Variants in RPS6KC1 observed in about 807,000 individuals in gnomAD.
RPS6KC1 encodes the protein inactive ribosomal protein S6 kinase delta-1.
A neutral mutation model predicts 103.8 loss-of-function variants in RPS6KC1; 54 were observed. The ratio of observed to expected loss-of-function variants is 0.52; its 90% confidence interval spans 0.42 to 0.65. The LOEUF is 0.65. Ranked by LOEUF, RPS6KC1 falls within the 30% of genes least tolerant of loss-of-function variation. The pLI, the probability that RPS6KC1 is intolerant of heterozygous loss-of-function variation, is 0.00. For synonymous variants in RPS6KC1, 439 were observed against 438.7 expected, an observed-to-expected ratio of 1.00 and a Z score of -0.01; for missense variants, 1,151 against 1,253.8, an observed-to-expected ratio of 0.92 and a Z score of 1.24.
At chr1:213,405,382 C>T in the RPS6KC1 span, among the ~76,000 whole-genome samples, 1 of 152,302 alleles carries the variant, frequency 6.6e-6, no homozygotes, top group East Asian at 1.9e-4. Flanking sequence ...GGGGAATTGG[C>T]ACTTGCTTAT....
the RPS6KC1 span, among the ~76,000 whole-genome samples, chr1:213,649,273 A>AAG: frequency 3.3e-5 from 5 of 151,102 alleles, no homozygotes; most frequent in Non-Finnish European, 7.4e-5. Context: ...AAAAAAAAAA[A>AAG]AGTCTCCAAC....
In RPS6KC1 at chr1:213,176,444, C is replaced by A. The variant is rs1478446850; in HGVS notation, c.996C>A (p.Ser332Arg). Residue 332 changes from serine to arginine, a missense_variant, in exon 8 of 15, where the codon AGC becomes AGA. This residue lies in a region of RPS6KC1 where 959 missense variants were observed against 1,006.3 expected (regional missense o/e 0.95). Transcript: ENST00000366960. ...CAAGGCCCCTTTGGAACCTAAGGAG[C>A]CCTGCCGAGGAGCTGAAGGCCTTCA... is the stretch of plus-strand genomic sequence containing the variant. ...LSSRPLWNLRSPAEELKAFRV... is the reference protein window; with the variant it reads ...LSSRPLWNLRRPAEELKAFRV... The A allele has an allele frequency of 3.1e-6, 5 of 1,609,080 alleles. No individual in the cohort carries two copies. Among genetic ancestry groups the A allele is most frequent in the Non-Finnish European group, 3.4e-6 (4 of 1,176,320 alleles).
rs1216601734 is a variant in RPS6KC1 at position 213,093,211 on chromosome 1, T to A, written c.263-11243T>A. 2.7e-5 allele frequency among the ~76,000 whole-genome samples: 4 copies of A among 149,344 alleles called. No homozygotes were observed. The South Asian group carries it at 8.4e-4, about 31-fold the overall frequency. On this transcript the variant is annotated intron_variant, in intron 3 of 14. Coordinates refer to ENST00000366960, the MANE Select transcript of RPS6KC1 (RefSeq NM_012424.6). ...GGAATTGTTGGTTAATAATCTACTTTTTTTTTTTTTTTTTAATGAGGCGGA... is the reference window on the plus strand; with the variant it reads ...GGAATTGTTGGTTAATAATCTACTTATTTTTTTTTTTTTTAATGAGGCGGA...
the RPS6KC1 span, among the ~76,000 whole-genome samples, chr1:213,615,035 G>T: frequency 1.4e-4 from 22 of 152,162 alleles, no homozygotes; most frequent in Non-Finnish European, 2.6e-4. Context: ...ATCATTGTGT[G>T]TGTGTCCCCA....
chr1:213,189,082 A>G lies in RPS6KC1; in HGVS notation c.1044+12590A>G, dbSNP rs147119890. Among the ~76,000 whole-genome samples the G allele has an allele frequency of 3.2e-4, 49 of 152,298 alleles. No homozygotes were observed. In the East Asian group the frequency reaches 8.1e-3, roughly 25 times the overall value. ...GCTAATTGATTTTTGACATAGGTTC[A>G]AATCAGTATAATGTAGGAAGGTTAA... On this transcript the variant is annotated intron_variant, in intron 8 of 14. Coordinates refer to ENST00000366960, the MANE Select transcript of RPS6KC1 (RefSeq NM_012424.6).
In RPS6KC1 at chr1:213,131,963, T is replaced by C. The variant is rs11811328; in HGVS notation, c.835+2074T>C. On this transcript the variant is annotated intron_variant, in intron 6 of 14. Coordinates refer to ENST00000366960, the MANE Select transcript of RPS6KC1 (RefSeq NM_012424.6). Reference sequence around the variant, plus strand: ...AAATAAAACACATCAGTGTGGTCAGTGTGACATTTTTTAAGTTATTTGCAT... The same window carrying C: ...AAATAAAACACATCAGTGTGGTCAGCGTGACATTTTTTAAGTTATTTGCAT... Among the ~76,000 whole-genome samples, 661 of 152,348 alleles carry C rather than the reference T, an allele frequency of 4.3e-3. 4 individuals are homozygous for C. Among genetic ancestry groups the C allele is most frequent in the African/African-American group, 0.015 (637 of 41,588 alleles).
At chr1:213,761,498 T>A in the RPS6KC1 span, among the ~76,000 whole-genome samples, 2 of 152,198 alleles carry the variant, frequency 1.3e-5, no homozygotes, top group African/African-American at 2.4e-5. Context: ...AAATAGGACT[T>A]TGTTCTATAA....
chr1:213,290,245 A>G, the RPS6KC1 span, among the ~76,000 whole-genome samples: 1 of 152,110 alleles, frequency 6.6e-6, no homozygotes, highest in Non-Finnish European at 1.5e-5. Context: ...GCAAAGGCCA[A>G]CGTGAGCCAC....
the RPS6KC1 span, among the ~76,000 whole-genome samples, chr1:213,542,269 C>A: frequency 6.6e-6 from 1 of 152,170 alleles, no homozygotes; most frequent in Non-Finnish European, 1.5e-5. Context: ...TTCCACCAAT[C>A]CAAGTCACCA....
chr1:213,795,363 C>T, the RPS6KC1 span, among the ~76,000 whole-genome samples: 1 of 152,170 alleles, frequency 6.6e-6, no homozygotes, highest in Non-Finnish European at 1.5e-5. Context: ...TGTCTGTGTG[C>T]AAAATTTTGT....
chr1:213,742,174 G>A, the RPS6KC1 span, among the ~76,000 whole-genome samples: 1 of 152,108 alleles, frequency 6.6e-6, no homozygotes, highest in African/African-American at 2.4e-5. Context: ...AAAAATAAAA[G>A]AAATTAACTT....
intron 1 of RPS6KC1, among the ~76,000 whole-genome samples, chr1:213,051,730 C>T (rs2076966296): frequency 6.6e-6 from 1 of 152,064 alleles, no homozygotes; most frequent in African/African-American, 2.4e-5. Flanking sequence ...GTAGAGTCCT[C>T]TTTCTGGGGG....
At chr1:213,278,544 A>C (rs2095116691), downstream of RPS6KC1, among the ~76,000 whole-genome samples, 1 of 152,206 alleles carries the variant, frequency 6.6e-6, no homozygotes, top group Admixed American at 6.5e-5. Context: ...CTAAATGACT[A>C]AGAAAACTTC....
the RPS6KC1 span, among the ~76,000 whole-genome samples, chr1:213,579,507 G>C: frequency 1.3e-5 from 2 of 152,120 alleles, no homozygotes; most frequent in African/African-American, 4.8e-5. Context: ...AGAAGATCTA[G>C]CTGAGATAAA....
the RPS6KC1 span, among the ~76,000 whole-genome samples, chr1:213,677,595 A>G: frequency 1.6e-4 from 25 of 152,222 alleles, no homozygotes; most frequent in African/African-American, 6.0e-4. Context: ...AACTGAATGC[A>G]CCCAATTTCT....
At chr1:213,170,462 A>G (rs1361133888) in intron 7 of RPS6KC1, among the ~76,000 whole-genome samples, 1 of 152,252 alleles carries the variant, frequency 6.6e-6, no homozygotes, top group Admixed American at 6.5e-5. Flanking sequence ...TATACAAAAG[A>G]TGATGACACA....
chr1:213,302,507 GAAAA>G, the RPS6KC1 span, among the ~76,000 whole-genome samples: 2 of 150,956 alleles, frequency 1.3e-5, no homozygotes, highest in African/African-American at 4.9e-5. Context: ...AAAAAGAAAA[GAAAA>G]AAAAAGATAT....
chr1:213,242,969 C>G (rs557082377), intron 12 of RPS6KC1, among the ~76,000 whole-genome samples: 1 of 151,956 alleles, frequency 6.6e-6, no homozygotes, highest in Non-Finnish European at 1.5e-5. Flanking sequence ...TTTAAATACC[C>G]TGACCCTCTT....
At chr1:213,787,854 A>G in the RPS6KC1 span, among the ~76,000 whole-genome samples, 27 of 152,188 alleles carry the variant, frequency 1.8e-4, no homozygotes, top group Non-Finnish European at 3.8e-4. Context: ...AACACTGAGC[A>G]GGAATGTCAC....
Sources: allele counts gnomAD v4.1 joint callset (sites outside exome capture counted in the v4.1 genomes callset), GRCh38; gene constraint gnomAD v4.1.1; regional missense constraint gnomAD v4.1.1; transcripts MANE v1.5; gene names NCBI Gene and HGNC (gene_info 2026-07-23, HGNC 2026-07-21).